Variants in PLCB1 observed in about 807,000 individuals in gnomAD.
The protein encoded by PLCB1 is 1-phosphatidylinositol 4,5-bisphosphate phosphodiesterase beta-1.
In PLCB1, 46 loss-of-function variants were observed where a neutral mutation model predicts 161.8. The ratio of observed to expected loss-of-function variants is 0.28; its 90% CI spans 0.22 to 0.36. The LOEUF (loss-of-function observed/expected upper bound fraction) is 0.36. PLCB1 is among the 10% of genes least tolerant of loss of function. The probability of loss-of-function intolerance (pLI) is 1.00; values close to 1 mark genes in which losing one functional copy is unlikely to be tolerated. For synonymous variants in PLCB1, 517 were observed against 503.7 expected (o/e 1.03, Z -0.35); for missense variants, 1,016 against 1,472.5 (o/e 0.69, Z 5.07).
intron 3 of PLCB1, among the ~76,000 whole-genome samples, chr20:8,385,998 A>G (rs1252449520): frequency 1.3e-5 from 2 of 152,256 alleles, no homozygotes; most frequent in African/African-American, 2.4e-5. Flanking sequence ...ATAAGATTGC[A>G]GCAAAGCAGT....
chr20:8,548,770 C>G (rs200532239), intron 3 of PLCB1, among the ~76,000 whole-genome samples: 1 of 38,338 alleles, frequency 2.6e-5, no homozygotes, highest in Non-Finnish European at 6.5e-5. Flanking sequence ...ATTTTATGTT[C>G]CATGTTCTCA....
At chr20:8,527,262 T>C (rs554892943) in intron 3 of PLCB1, among the ~76,000 whole-genome samples, 1 of 152,240 alleles carries the variant, frequency 6.6e-6, no homozygotes, top group African/African-American at 2.4e-5. Flanking sequence ...CTAGTATCCA[T>C]TTCTGAGCTC....
rs112748251 is a variant in PLCB1 at position 8,722,050 on chromosome 20, A to C, written c.1514-304A>C. Among the ~76,000 whole-genome samples the C allele has an allele frequency of 1.7e-4, 26 of 152,320 alleles. 1 individual carries two copies. Among genetic ancestry groups the C allele is most frequent in the African/African-American group, 6.0e-4 (25 of 41,574 alleles). On this transcript the variant is annotated intron_variant, in intron 14 of 31. Transcript: ENST00000338037. Reference sequence around the variant, plus strand: ...AAGCAAACTGTATTAAATGCCAGCAAACTGTTTTCAATGCCACGTGTTTAA... The same window carrying C: ...AAGCAAACTGTATTAAATGCCAGCACACTGTTTTCAATGCCACGTGTTTAA...
chr20:8,793,935 C>T (rs1020927915), intron 31 of PLCB1, among the ~76,000 whole-genome samples: 5 of 152,062 alleles, frequency 3.3e-5, no homozygotes, highest in African/African-American at 9.7e-5. Context: ...GAGACCCACC[C>T]GCAGGCGCAC....
rs1450009731 is a variant in PLCB1 at position 8,883,749 on chromosome 20, A to ATGAT, written c.*1902_*1905dup. Reference sequence around the variant, plus strand: ...GGGGAAAATCACATCCTCTTTGGAGATGATTATATTTTGATCTGAAGGGTT... The same window carrying ATGAT: ...GGGGAAAATCACATCCTCTTTGGAGATGATTGATTATATTTTGATCTGAAGGGTT... On this transcript the variant is annotated 3_prime_UTR_variant, in exon 32 of 32. Coordinates refer to ENST00000338037, the MANE Select transcript of PLCB1 (RefSeq NM_015192.4). The ATGAT allele has an allele frequency of 6.6e-6, 1 of 152,500 alleles. No individual in the cohort carries two copies. Among genetic ancestry groups the ATGAT allele is most frequent in the Non-Finnish European group, 1.5e-5 (1 of 67,964 alleles). The allele number at this position is 152,500 out of a possible 1,614,324, so 9.4% of individuals were successfully genotyped here.
At chr20:8,392,393 C>T (rs777988181) in intron 3 of PLCB1, among the ~76,000 whole-genome samples, 1 of 152,128 alleles carries the variant, frequency 6.6e-6, no homozygotes, top group Non-Finnish European at 1.5e-5. Flanking sequence ...ATATTTCCCA[C>T]CTGACAGATC....
At chr20:8,740,921 G>A (rs1330852373) in intron 22 of PLCB1, among the ~76,000 whole-genome samples, 2 of 152,202 alleles carry the variant, frequency 1.3e-5, no homozygotes, top group Non-Finnish European at 2.9e-5. Flanking sequence ...TGGTAAGCTT[G>A]GGGCTGTCCA....
chr20:8,320,910 AGAAGAG>A (rs1395803522), intron 2 of PLCB1, among the ~76,000 whole-genome samples: 3 of 151,254 alleles, frequency 2.0e-5, no homozygotes, highest in Non-Finnish European at 4.4e-5. Context: ...GAAGAAAAGA[AGAAGAG>A]GAAGAAGAGG....
At chr20:8,439,027 A>G (rs549931428) in intron 3 of PLCB1, among the ~76,000 whole-genome samples, 2 of 152,272 alleles carry the variant, frequency 1.3e-5, no homozygotes, top group South Asian at 4.2e-4. Flanking sequence ...ATCTTAGAAG[A>G]CCACTCTCTC....
Position 8,632,035 on chromosome 20 carries a change from C to CTTTTTTTT in PLCB1, c.384+3629_384+3636dup, listed in dbSNP as rs34028351. On this transcript the variant is annotated intron_variant, in intron 4 of 31. Transcript: ENST00000338037. ...AGGAGACAAATATGGGTTTTTTTTG[C>CTTTTTTTT]TTTTTTTTTTTTTTTTTTTTTTTTT... Among the ~76,000 whole-genome samples the CTTTTTTTT allele has an allele frequency of 2.7e-3, 122 of 45,968 alleles. 11 individuals are homozygous for CTTTTTTTT. Among genetic ancestry groups the CTTTTTTTT allele is most frequent in the East Asian group, 0.011 (14 of 1,292 alleles). The allele number at this position is 45,968 out of a possible 152,430, so 30.2% of individuals were successfully genotyped here. A position where few individuals can be genotyped will look rare whatever the true frequency, so the allele number is the denominator to read the frequency against.
chr20:8,517,696 C>G (rs991288995), intron 3 of PLCB1, among the ~76,000 whole-genome samples: 6 of 152,176 alleles, frequency 3.9e-5, no homozygotes, highest in African/African-American at 1.2e-4. Flanking sequence ...CTCAGATGTT[C>G]CTCATGGACA....
At chr20:8,803,537 C>T (rs1261816018) in intron 31 of PLCB1, among the ~76,000 whole-genome samples, 3 of 150,838 alleles carry the variant, frequency 2.0e-5, no homozygotes, top group Non-Finnish European at 4.4e-5. Flanking sequence ...TTCATGTCCT[C>T]TCAACAGTGA....
intron 9 of PLCB1, among the ~76,000 whole-genome samples, chr20:8,662,654 C>A (rs1270265251): frequency 6.7e-6 from 1 of 149,122 alleles, no homozygotes; most frequent in South Asian, 2.1e-4. Context: ...TGAAATCCAA[C>A]GTGCACCTGA....
intron 2 of PLCB1, among the ~76,000 whole-genome samples, chr20:8,313,317 C>T (rs1319196113): frequency 2.0e-5 from 3 of 152,056 alleles, no homozygotes; most frequent in African/African-American, 7.2e-5. Flanking sequence ...TGGCAGCTGG[C>T]TGGTGTTTGA....
At chr20:8,213,387 G>C (rs370643171) in intron 2 of PLCB1, among the ~76,000 whole-genome samples, 2 of 152,162 alleles carry the variant, frequency 1.3e-5, no homozygotes, top group Non-Finnish European at 2.9e-5. Flanking sequence ...AGCTCCAAAG[G>C]TGAGTAAGAA....
intron 2 of PLCB1, among the ~76,000 whole-genome samples, chr20:8,169,684 A>C (rs111358877): frequency 2.6e-5 from 4 of 152,144 alleles, no homozygotes; most frequent in Admixed American, 2.0e-4. Context: ...TTGGACAACT[A>C]TCTAAGAGTT....
intron 20 of PLCB1, 127 bp from the exon 21 acceptor site, chr20:8,739,134 C>T (rs1384513438): frequency 4.4e-6 from 3 of 688,370 alleles, no homozygotes; most frequent in Middle Eastern, 3.7e-4. Context: ...CTGGGTGACA[C>T]AGCAAGACTC....
intron 15 of PLCB1, among the ~76,000 whole-genome samples, chr20:8,723,601 CT>C (rs772650645): frequency 2.0e-5 from 3 of 152,158 alleles, no homozygotes; most frequent in Non-Finnish European, 2.9e-5. Flanking sequence ...TTGCCAGGCA[CT>C]GTTCTAAGCT....
At chr20:8,421,441 T>C (rs1979534214) in intron 3 of PLCB1, among the ~76,000 whole-genome samples, 1 of 152,190 alleles carries the variant, frequency 6.6e-6, no homozygotes, top group Non-Finnish European at 1.5e-5. Context: ...AAAGAGTCTC[T>C]ATGGTCAGCT....
Sources: allele counts gnomAD v4.1 joint callset (sites outside exome capture counted in the v4.1 genomes callset), GRCh38; gene constraint gnomAD v4.1.1; transcripts MANE v1.5; gene names NCBI Gene and HGNC (gene_info 2026-07-23, HGNC 2026-07-21).